STAG1: variants seen among roughly 807,000 people sequenced by gnomAD.
STAG1 encodes cohesin subunit SA-1.
In STAG1, 26 loss-of-function variants were observed where a neutral mutation model predicts 170.9. The observed-to-expected ratio is 0.15, with a 90% confidence interval of 0.11 to 0.21. STAG1 has a LOEUF of 0.21. STAG1 is among the 10% of genes least tolerant of loss of function. The pLI is 1.00. For synonymous variants in STAG1, 514 were observed against 497.7 expected (o/e 1.03, Z -0.44); for missense variants, 964 against 1,509.5 (o/e 0.64, Z 5.99).
chr3:136,376,424 G>C (rs1937612113), intron 23 of STAG1, among the ~76,000 whole-genome samples: 1 of 151,050 alleles, frequency 6.6e-6, no homozygotes. Context: ...CCCTCTACAA[G>C]AGATGAGGAA....
intron 9 of STAG1, among the ~76,000 whole-genome samples, chr3:136,495,411 G>A (rs1933024651): frequency 6.6e-6 from 1 of 152,130 alleles, no homozygotes; most frequent in African/African-American, 2.4e-5. Context: ...CCAAAAGCAT[G>A]ACCACAGAAG....
At chr3:136,477,527 T>G (rs2089783175) in intron 9 of STAG1, 115 bp from the exon 10 acceptor site, 1 of 917,452 alleles carries the variant, frequency 1.1e-6, no homozygotes, top group African/African-American at 1.7e-5. Context: ...ATTTGCATTC[T>G]GAATGGCCTC....
rs1393683220 is a variant in STAG1 at position 136,468,639 on chromosome 3, C to A, written c.1206-3651G>T. Among the ~76,000 whole-genome samples, 5 of 151,864 alleles carry A rather than the reference C, an allele frequency of 3.3e-5. No individual in the cohort carries two copies. The East Asian group carries it at 9.7e-4, about 29-fold the overall frequency. On this transcript the variant is annotated intron_variant, in intron 12 of 33. Transcript: ENST00000383202. ...TCCAATCAACAGAAAAAGAGGGAATCCTCCCTAACTCTCCCTGTTATGTCC... is the reference window on the plus strand; with the variant it reads ...TCCAATCAACAGAAAAAGAGGGAATACTCCCTAACTCTCCCTGTTATGTCC...
At chr3:136,467,866 T>A (rs976932229) in intron 12 of STAG1, among the ~76,000 whole-genome samples, 1 of 152,136 alleles carries the variant, frequency 6.6e-6, no homozygotes, top group African/African-American at 2.4e-5. Context: ...CACTCAAAAC[T>A]GCTCAACTAC....
Position 136,662,255 on chromosome 3 carries a change from G to A in STAG1, c.-83-31274C>T, listed in dbSNP as rs555922479. On this transcript the variant is annotated intron_variant, in intron 1 of 33. Transcript: ENST00000383202. ...CAGTCTCTGCCTCCTGGGTTCAAAC[G>A]ATTCTCCTGCCTCAGGCTCCCAAGT... Among the ~76,000 whole-genome samples, 8 of 151,232 alleles carry A rather than the reference G, an allele frequency of 5.3e-5. No homozygotes were observed. The South Asian group carries it at 1.3e-3, about 24-fold the overall frequency.
At chr3:136,528,487 T>A (rs1576571212) in intron 6 of STAG1, among the ~76,000 whole-genome samples, 4 of 43,780 alleles carry the variant, frequency 9.1e-5, no homozygotes, top group African/African-American at 1.4e-4. Flanking sequence ...GCAACAGATG[T>A]CCCCGCACCC....
intron 22 of STAG1, among the ~76,000 whole-genome samples, chr3:136,386,401 C>A (rs1488382646): frequency 6.6e-6 from 1 of 151,700 alleles, no homozygotes; most frequent in Non-Finnish European, 1.5e-5. Flanking sequence ...ATGAAGAACC[C>A]CAAATATGGA....
chr3:136,358,121 TG>T (rs1372185407), intron 27 of STAG1, among the ~76,000 whole-genome samples: 3 of 150,806 alleles, frequency 2.0e-5, no homozygotes, highest in Non-Finnish European at 4.4e-5. Context: ...AAGGTCTCAC[TG>T]TGTCGCCCAG....
At chr3:136,678,322 G>A (rs2107883647) in intron 1 of STAG1, among the ~76,000 whole-genome samples, 1 of 151,020 alleles carries the variant, frequency 6.6e-6, no homozygotes, top group African/African-American at 2.4e-5. Flanking sequence ...TATTGATATA[G>A]AAACACATCA....
intron 1 of STAG1, among the ~76,000 whole-genome samples, chr3:136,696,431 C>G (rs113469453): frequency 6.6e-4 from 101 of 152,198 alleles, no homozygotes; most frequent in African/African-American, 2.4e-3. Context: ...TTAGGGCAGT[C>G]AGACAACAGT....
Position 136,346,181 on chromosome 3 carries a change from A to C in STAG1, c.3272-2175T>G, listed in dbSNP as rs189705197. On this transcript the variant is annotated intron_variant, in intron 29 of 33. Coordinates refer to ENST00000383202, the MANE Select transcript of STAG1 (RefSeq NM_005862.3). ...CACATCAGAGCATTGACCATGGTGA[A>C]ATCAAACAGCCTGTTTCTGTTCTCT... 2.6e-5 allele frequency among the ~76,000 whole-genome samples: 4 copies of C among 152,312 alleles called. No individual in the cohort carries two copies. The East Asian group carries it at 7.7e-4, about 29-fold the overall frequency.
chr3:136,454,122 T>C (rs937660695), intron 13 of STAG1, among the ~76,000 whole-genome samples: 2 of 152,154 alleles, frequency 1.3e-5, no homozygotes, highest in Non-Finnish European at 2.9e-5. Flanking sequence ...TGAGACACAG[T>C]CTCACTCTGT....
chr3:136,586,965 T>C (rs978078882), intron 4 of STAG1: 13 of 448,242 alleles, frequency 2.9e-5, no homozygotes, highest in South Asian at 6.4e-5. Flanking sequence ...GGGGCTTAGA[T>C]TCCTGAATCA....
At chr3:136,568,661 T>A (rs1937162806) in intron 5 of STAG1, 104 bp downstream of exon 5, 1 of 768,948 alleles carries the variant, frequency 1.3e-6, no homozygotes. Context: ...GCAGATAATC[T>A]TTAATTTTAG....
intron 6 of STAG1, among the ~76,000 whole-genome samples, chr3:136,527,226 AC>A (rs1935081899): frequency 6.6e-6 from 1 of 152,190 alleles, no homozygotes; most frequent in Non-Finnish European, 1.5e-5. Context: ...ACTTTCAGGT[AC>A]ACCAATCAGA....
chr3:136,743,038 A>G (rs1402502201), intron 1 of STAG1, among the ~76,000 whole-genome samples: 1 of 152,174 alleles, frequency 6.6e-6, no homozygotes, highest in Non-Finnish European at 1.5e-5. Context: ...TTATTTGAAA[A>G]AATAACCGAT....
At chr3:136,441,680 G>C (rs74618430) in intron 15 of STAG1, among the ~76,000 whole-genome samples, 1 of 152,094 alleles carries the variant, frequency 6.6e-6, no homozygotes, top group Non-Finnish European at 1.5e-5. Flanking sequence ...AGTCTACTGC[G>C]GGGGATGGCT....
At chr3:136,616,054 G>A (rs1939578059) in intron 3 of STAG1, among the ~76,000 whole-genome samples, 1 of 152,002 alleles carries the variant, frequency 6.6e-6, no homozygotes, top group Non-Finnish European at 1.5e-5. Context: ...GGATCACGAG[G>A]TCAGGAGATC....
chr3:136,671,866 C>A (rs189311720), intron 1 of STAG1, among the ~76,000 whole-genome samples: 27 of 151,928 alleles, frequency 1.8e-4, no homozygotes, highest in Non-Finnish European at 2.2e-4. Flanking sequence ...CAGAATGAGA[C>A]CATTACCTTG....
Sources: allele counts gnomAD v4.1 joint callset (sites outside exome capture counted in the v4.1 genomes callset), GRCh38; gene constraint gnomAD v4.1.1; transcripts MANE v1.5; gene names NCBI Gene and HGNC (gene_info 2026-07-23, HGNC 2026-07-21).